TJP1: variants seen among roughly 807,000 people sequenced by gnomAD.
TJP1 encodes tight junction protein ZO-1.
Under a neutral mutation model 194.2 loss-of-function variants are expected in TJP1, and 43 were observed. The observed-to-expected ratio is 0.22, with a 90% CI of 0.17 to 0.29. The LOEUF is 0.29. TJP1 is among the 10% of genes least tolerant of loss of function. The pLI is 1.00. For synonymous variants in TJP1, 801 were observed against 779.0 expected (o/e 1.03, Z -0.47); for missense variants, 1,971 against 2,185.7 (o/e 0.90, Z 1.96).
intron 1 of TJP1, among the ~76,000 whole-genome samples, chr15:29,804,880 G>A (rs1327096401): frequency 6.6e-6 from 1 of 152,114 alleles, no homozygotes; most frequent in Non-Finnish European, 1.5e-5. Flanking sequence ...CTGGTAAACA[G>A]GAAATGAACT....
At chr15:29,968,489 C>G in intron 1 of TJP1, 1 of 907,964 alleles carries the variant, frequency 1.1e-6, no homozygotes, top group Non-Finnish European at 1.3e-6. Context: ...GCGCTCGGCC[C>G]TGGGCTCGGC....
In TJP1 at chr15:29,956,790, G is replaced by A. The variant is rs574123560; in HGVS notation, c.174-426C>T. Among the ~76,000 whole-genome samples, 14 of 152,254 alleles carry A rather than the reference G, an allele frequency of 9.2e-5. No individual in the cohort carries two copies. In the South Asian group the frequency reaches 2.7e-3, roughly 29 times the overall value. ...TGTGGTCCCAGCTGCTTGGAAGGCT[G>A]AGGTGGGAGGATTGCTTGAGCCTGG... On this transcript the variant is annotated intron_variant, in intron 1 of 28. Transcript: ENST00000356107.
intron 1 of TJP1, among the ~76,000 whole-genome samples, chr15:29,967,020 T>C (rs1467069771): frequency 6.8e-6 from 1 of 147,800 alleles, no homozygotes; most frequent in Non-Finnish European, 1.5e-5. Context: ...TAAAATATCT[T>C]TTTTTTTTTT....
At chr15:29,778,918 C>A (rs1381346230) in intron 2 of TJP1, among the ~76,000 whole-genome samples, 1 of 152,100 alleles carries the variant, frequency 6.6e-6, no homozygotes, top group Non-Finnish European at 1.5e-5. Flanking sequence ...CAAGTAGCCT[C>A]GGTTAGCAAG....
intron 2 of TJP1, among the ~76,000 whole-genome samples, chr15:29,949,551 CAA>C (rs1161556004): frequency 6.4e-4 from 89 of 140,028 alleles, no homozygotes; most frequent in Admixed American, 1.0e-3. Flanking sequence ...ACCACCTCCA[CAA>C]CCACCACCTC....
chr15:29,774,859 T>C (rs1000795534), intron 2 of TJP1, among the ~76,000 whole-genome samples: 2 of 151,756 alleles, frequency 1.3e-5, no homozygotes, highest in African/African-American at 4.8e-5. Context: ...TCTGTTTCTC[T>C]ATATATTCTC....
chr15:29,905,266 C>T (rs1321276356), intron 2 of TJP1, among the ~76,000 whole-genome samples: 1 of 152,174 alleles, frequency 6.6e-6, no homozygotes, highest in Non-Finnish European at 1.5e-5. Context: ...GATCTTTTGA[C>T]TCAGCAATTC....
intron 4 of TJP1, among the ~76,000 whole-genome samples, chr15:29,766,781 CTTTA>C (rs1417761625): frequency 1.3e-5 from 2 of 152,122 alleles, no homozygotes; most frequent in Non-Finnish European, 2.9e-5. Flanking sequence ...CTAAAAACCT[CTTTA>C]TTTACTTCAC....
chr15:29,859,832 G>T (rs1004329680), intron 2 of TJP1, among the ~76,000 whole-genome samples: 1 of 152,150 alleles, frequency 6.6e-6, no homozygotes, highest in African/African-American at 2.4e-5. Context: ...AGGCACCATA[G>T]CATTTATGTG....
At chr15:29,875,518 T>C (rs1027982820) in intron 2 of TJP1, among the ~76,000 whole-genome samples, 37 of 152,218 alleles carry the variant, frequency 2.4e-4, no homozygotes, top group African/African-American at 8.7e-4. Flanking sequence ...TTCAAATCCA[T>C]AAATTCTCCC....
intron 27 of TJP1, among the ~76,000 whole-genome samples, chr15:29,702,743 C>T (rs2041632018): frequency 6.6e-6 from 1 of 152,136 alleles, no homozygotes; most frequent in Non-Finnish European, 1.5e-5. Flanking sequence ...AAATGGGGTA[C>T]TTGTAAATAT....
At chr15:29,887,883 A>C (rs960972161) in intron 2 of TJP1, among the ~76,000 whole-genome samples, 1 of 152,216 alleles carries the variant, frequency 6.6e-6, no homozygotes, top group African/African-American at 2.4e-5. Flanking sequence ...TGGGGAAGGC[A>C]ATTTGGCAAT....
At chr15:29,771,622 G>A (rs2046684402) in intron 4 of TJP1, among the ~76,000 whole-genome samples, 1 of 151,796 alleles carries the variant, frequency 6.6e-6, no homozygotes, top group Non-Finnish European at 1.5e-5. Context: ...TGGCTAACAC[G>A]GTGAAACCCT....
intron 8 of TJP1, among the ~76,000 whole-genome samples, chr15:29,757,689 C>A (rs905401812): frequency 1.3e-5 from 2 of 152,066 alleles, no homozygotes; most frequent in African/African-American, 4.8e-5. Context: ...ATGAAAAGAA[C>A]CTGAAGAGAT....
intron 2 of TJP1, among the ~76,000 whole-genome samples, chr15:29,955,753 T>TAAAAAAAAAAAAAAAAA (rs563535771): frequency 4.7e-4 from 17 of 35,814 alleles, no homozygotes; most frequent in Non-Finnish European, 5.5e-4. Context: ...CCTGGCTCTT[T>TAAAAAAAAAAAAAAAAA]AAAAAAAAAA....
intron 8 of TJP1, among the ~76,000 whole-genome samples, chr15:29,754,475 T>C (rs1249303235): frequency 2.6e-5 from 4 of 152,114 alleles, no homozygotes; most frequent in Non-Finnish European, 5.9e-5. Flanking sequence ...CATGTTTACC[T>C]ACGTAACAAA....
At chr15:29,845,953 G>A (rs1567128428) in intron 2 of TJP1, among the ~76,000 whole-genome samples, 7 of 152,254 alleles carry the variant, frequency 4.6e-5, no homozygotes, top group Middle Eastern at 3.4e-3. Flanking sequence ...TCAATTCCCA[G>A]TCTTATCTCC....
intron 23 of TJP1, among the ~76,000 whole-genome samples, chr15:29,715,061 T>C (rs1439687501): frequency 6.6e-6 from 1 of 152,214 alleles, no homozygotes; most frequent in East Asian, 1.9e-4. Context: ...CATTTAGATG[T>C]TACTGTGATA....
intron 10 of TJP1, among the ~76,000 whole-genome samples, chr15:29,740,447 G>A (rs973844823): frequency 4.0e-5 from 6 of 151,830 alleles, no homozygotes; most frequent in East Asian, 2.0e-4. Context: ...GCAATGCGGC[G>A]AAACAAAACC....
Sources: allele counts gnomAD v4.1 joint callset (sites outside exome capture counted in the v4.1 genomes callset), GRCh38; gene constraint gnomAD v4.1.1; transcripts MANE v1.5; gene names NCBI Gene and HGNC (gene_info 2026-07-23, HGNC 2026-07-21).